The following MPPED2 variants were observed in gnomAD, a reference collection of about 807,000 sequenced individuals.
MPPED2 encodes the protein metallophosphoesterase MPPED2.
A neutral mutation model predicts 33.0 loss-of-function variants in MPPED2; 5 were observed. The ratio of observed to expected loss-of-function variants is 0.15; its 90% CI spans 0.08 to 0.32. MPPED2 has a LOEUF of 0.32. Among genes scored for constraint, MPPED2 ranks in the 10% least tolerant of loss-of-function variants. The probability of loss-of-function intolerance (pLI) is 1.00; values close to 1 mark genes in which losing one functional copy is unlikely to be tolerated. For missense variants in MPPED2, 275 were observed against 372.1 expected, an observed-to-expected ratio of 0.74 and a Z score of 2.15; for synonymous variants, 136 against 141.9, an observed-to-expected ratio of 0.96 and a Z score of 0.29.
intron 4 of MPPED2, among the ~76,000 whole-genome samples, chr11:30,439,222 C>T (rs2133887781): frequency 6.6e-6 from 1 of 152,236 alleles, no homozygotes; most frequent in South Asian, 2.1e-4. Context: ...TTGCCAGTCA[C>T]TAATTATATG....
chr11:30,585,892 G>A (rs993645235), intron 1 of MPPED2, 150 bp downstream of exon 1: 2 of 152,264 alleles, frequency 1.3e-5, no homozygotes, highest in Non-Finnish European at 2.9e-5. Context: ...CAGCCTCCGA[G>A]CCCCTCGCAC....
At chr11:30,461,563 G>A (rs995328928) in intron 4 of MPPED2, among the ~76,000 whole-genome samples, 5 of 152,030 alleles carry the variant, frequency 3.3e-5, no homozygotes, top group Non-Finnish European at 5.9e-5. Flanking sequence ...AAACTACAAC[G>A]TCTGCATTAG....
chr11:30,420,777 T>C (rs1008860000), intron 4 of MPPED2, among the ~76,000 whole-genome samples: 2 of 152,202 alleles, frequency 1.3e-5, no homozygotes, highest in Non-Finnish European at 2.9e-5. Context: ...CTCTCTCTTG[T>C]CCTTTAAGAT....
intron 4 of MPPED2, among the ~76,000 whole-genome samples, chr11:30,445,930 G>A (rs371829748): frequency 5.9e-5 from 9 of 152,156 alleles, no homozygotes; most frequent in African/African-American, 1.4e-4. Context: ...ACAAATATCC[G>A]TTCAAGTTCA....
Position 30,434,822 on chromosome 11 carries a change from A to G in MPPED2, c.537-17189T>C, listed in dbSNP as rs375836403. ...TGGGTACTTTCAATGCATTAGCTTC[A>G]CAAGAACTCTGGAAGATATAAAGTG... On this transcript the variant is annotated intron_variant, in intron 4 of 6. Transcript: ENST00000358117. Among the ~76,000 whole-genome samples, 3 of 152,038 alleles carry G rather than the reference A, an allele frequency of 2.0e-5. No individual in the cohort carries two copies. The East Asian group carries it at 5.8e-4, about 29-fold the overall frequency.
intron 3 of MPPED2, among the ~76,000 whole-genome samples, chr11:30,521,493 A>G (rs1394408272): frequency 6.6e-6 from 1 of 152,206 alleles, no homozygotes; most frequent in Non-Finnish European, 1.5e-5. Context: ...ACCACAAGCC[A>G]GGTTATCAAG....
chr11:30,523,251 A>C (rs1953971559), intron 3 of MPPED2, among the ~76,000 whole-genome samples: 1 of 152,184 alleles, frequency 6.6e-6, no homozygotes, highest in Non-Finnish European at 1.5e-5. Context: ...GGCATTCAAA[A>C]ACCCAGGGGA....
At chr11:30,484,673 A>G (rs910322337) in intron 4 of MPPED2, among the ~76,000 whole-genome samples, 1 of 152,190 alleles carries the variant, frequency 6.6e-6, no homozygotes, top group African/African-American at 2.4e-5. Context: ...AGTGACCTTC[A>G]AAATGCCCAT....
chr11:30,518,324 C>T (rs984770367), intron 3 of MPPED2, among the ~76,000 whole-genome samples: 4 of 152,192 alleles, frequency 2.6e-5, no homozygotes, highest in Admixed American at 2.6e-4. Flanking sequence ...CTCTGTTTAT[C>T]TCCAAACCAG....
intron 3 of MPPED2, among the ~76,000 whole-genome samples, chr11:30,496,710 C>CGGGGG (rs145688798): frequency 6.6e-5 from 8 of 120,646 alleles, no homozygotes; most frequent in African/African-American, 1.6e-4. Flanking sequence ...ATTTTGTGGG[C>CGGGGG]GGGGGGTGGG....
rs1200060610 is a variant in MPPED2 at position 30,527,133 on chromosome 11, T to A, written c.310+8861A>T. Among the ~76,000 whole-genome samples, 4 of 151,958 alleles carry A rather than the reference T, an allele frequency of 2.6e-5. No individual in the cohort carries two copies. The South Asian group carries it at 8.4e-4, about 32-fold the overall frequency. ...TTTCAGTAGAGACGGGGTTTCACCG[T>A]GTTAGCCAAGATGGTCTCGATCTCC... On this transcript the variant is annotated intron_variant, in intron 3 of 6. Transcript: ENST00000358117.
intron 4 of MPPED2, among the ~76,000 whole-genome samples, chr11:30,465,322 C>T (rs1421337485): frequency 2.6e-5 from 4 of 152,188 alleles, no homozygotes; most frequent in African/African-American, 9.6e-5. Flanking sequence ...GGGTCTCACT[C>T]TGTCTCCCAG....
At chr11:30,385,729 A>G (rs1947695129) in exon 7 of MPPED2, 1 of 152,062 alleles carries the variant, frequency 6.6e-6, no homozygotes, top group South Asian at 2.1e-4. Flanking sequence ...CTTATACAAA[A>G]AGCTCTGTAC....
chr11:30,458,415 C>T (rs2133986627), intron 4 of MPPED2, among the ~76,000 whole-genome samples: 1 of 152,308 alleles, frequency 6.6e-6, no homozygotes, highest in Middle Eastern at 3.4e-3. Context: ...CATTCTATAA[C>T]ACAGAGCAGA....
intron 1 of MPPED2, among the ~76,000 whole-genome samples, chr11:30,583,394 T>TACTCTGTATGA (rs1957286713): frequency 6.6e-6 from 1 of 152,138 alleles, no homozygotes; most frequent in African/African-American, 2.4e-5. Context: ...ATTCTTTTCA[T>TACTCTGTATGA]AAATTTTCAT....
intron 4 of MPPED2, among the ~76,000 whole-genome samples, chr11:30,435,523 G>C (rs1949285317): frequency 6.6e-6 from 1 of 152,178 alleles, no homozygotes; most frequent in Non-Finnish European, 1.5e-5. Context: ...TCCTTCTGAG[G>C]ACTCTGGCTA....
chr11:30,515,350 C>A (rs143907061), intron 3 of MPPED2, among the ~76,000 whole-genome samples: 40 of 152,216 alleles, frequency 2.6e-4, no homozygotes, highest in African/African-American at 7.9e-4. Context: ...CAGGGAAGAG[C>A]TCATTAAAGC....
At chr11:30,488,127 T>C (rs999639933) in intron 4 of MPPED2, among the ~76,000 whole-genome samples, 13 of 152,204 alleles carry the variant, frequency 8.5e-5, no homozygotes, top group African/African-American at 2.9e-4. Flanking sequence ...CTCTCTATGT[T>C]GGTCTCTGTC....
rs1391200892 is a variant in MPPED2, at chr11:30,586,274, GA to G, written c.-355del. 6.5e-6 allele frequency: 1 copy of G among 153,158 alleles called. No individual in the cohort carries two copies. The highest frequency in any genetic ancestry group is 1.5e-5 in the Non-Finnish European group (1 of 68,942). 9.5% of individuals were successfully genotyped at this position (153,158 alleles called of 1,614,324 possible). A position where few individuals can be genotyped will look rare whatever the true frequency, so the allele number is the denominator to read the frequency against. On this transcript the variant is annotated 5_prime_UTR_variant, in exon 1 of 7. Coordinates refer to ENST00000358117, the MANE Select transcript of MPPED2 (RefSeq NM_001584.3). This position sits in a 1 kb window ranked among gnomAD's most constrained non-coding sequence, Gnocchi z 4.8. ...GGGGAGAAAGGACCCGAGCAGCCTC[GA>G]TCTGGGGAGAGAGCGAGCGAGGGGG...
Sources: gnomAD v4.1 joint callset for allele counts (sites outside exome capture counted in the v4.1 genomes callset) on GRCh38, gnomAD v4.1.1 for gene constraint, Gnocchi (gnomAD v3.1) non-coding constraint, MANE v1.5 for transcripts, NCBI Gene and HGNC (gene_info 2026-07-23, HGNC 2026-07-21) for gene names.